NFIA: variants seen among roughly 807,000 people sequenced by gnomAD.
The protein encoded by NFIA is nuclear factor 1 A-type.
Under a neutral mutation model 62.8 loss-of-function variants are expected in NFIA, and 8 were observed. The observed-to-expected ratio is 0.13, with a 90% CI of 0.07 to 0.23. The LOEUF (loss-of-function observed/expected upper bound fraction) is 0.23, where lower values mean the gene tolerates loss of function less well. NFIA is among the 10% of genes least tolerant of loss of function. NFIA has a pLI of 1.00. For missense variants in NFIA, 410 were observed against 642.1 expected, an observed-to-expected ratio of 0.64 and a Z score of 3.91; for synonymous variants, 235 against 238.1, an observed-to-expected ratio of 0.99 and a Z score of 0.12.
intron 3 of NFIA, among the ~76,000 whole-genome samples, chr1:61,294,773 C>A (rs996377081): frequency 6.6e-6 from 1 of 152,150 alleles, no homozygotes; most frequent in Non-Finnish European, 1.5e-5. Context: ...CGCTATATCC[C>A]TGTTGTCTGG....
chr1:61,220,424 C>T (rs896456224), intron 2 of NFIA, among the ~76,000 whole-genome samples: 1 of 152,158 alleles, frequency 6.6e-6, no homozygotes, highest in Admixed American at 6.5e-5. Flanking sequence ...AACTCAATAG[C>T]AATTCAGGCC....
intron 3 of NFIA, 106 bp from the exon 4 acceptor site, chr1:61,332,405 GA>G: frequency 9.8e-7 from 1 of 1,017,272 alleles, no homozygotes; most frequent in Non-Finnish European, 1.5e-6. Flanking sequence ...CAGAGAATGA[GA>G]TTAGGCACCA....
At chr1:61,112,731 A>G (rs963522417) in intron 2 of NFIA, among the ~76,000 whole-genome samples, 7 of 152,208 alleles carry the variant, frequency 4.6e-5, no homozygotes, top group African/African-American at 1.7e-4. Context: ...TTAAAATTAG[A>G]GACATGTTTG....
chr1:61,392,130 G>A (rs1665013601), intron 7 of NFIA, among the ~76,000 whole-genome samples: 1 of 152,174 alleles, frequency 6.6e-6, no homozygotes, highest in Non-Finnish European at 1.5e-5. Context: ...CCTCGTTCAG[G>A]GTTAGTTCAA....
chr1:61,389,115 A>T (rs1664842274), intron 7 of NFIA, among the ~76,000 whole-genome samples: 1 of 152,138 alleles, frequency 6.6e-6, no homozygotes, highest in South Asian at 2.1e-4. Flanking sequence ...CAAAACAACA[A>T]CAACAAAAAA....
intron 6 of NFIA, among the ~76,000 whole-genome samples, chr1:61,363,747 T>A (rs1275237813): frequency 6.6e-6 from 1 of 152,032 alleles, no homozygotes; most frequent in African/African-American, 2.4e-5. Context: ...TAGGACACAA[T>A]ATATAAGCAA....
chr1:61,330,891 G>A (rs1005516753), intron 3 of NFIA, among the ~76,000 whole-genome samples: 8 of 152,156 alleles, frequency 5.3e-5, no homozygotes, highest in Admixed American at 5.2e-4. Flanking sequence ...TGTACATTGT[G>A]GTTAGATTTC....
intron 2 of NFIA, among the ~76,000 whole-genome samples, chr1:61,147,724 T>A (rs182519677): frequency 6.6e-6 from 1 of 152,210 alleles, no homozygotes; most frequent in Non-Finnish European, 1.5e-5. Flanking sequence ...TTGTTTTTTT[T>A]CACCTAGTAG....
chr1:61,298,258 G>A (rs1378561202), intron 3 of NFIA, among the ~76,000 whole-genome samples: 6 of 152,118 alleles, frequency 3.9e-5, no homozygotes, highest in Admixed American at 6.6e-5. Context: ...GCCTGCCACC[G>A]TGTAAGATGT....
upstream of NFIA, among the ~76,000 whole-genome samples, chr1:61,077,988 C>T (rs1646053033): frequency 6.6e-6 from 1 of 151,780 alleles, no homozygotes; most frequent in Admixed American, 6.6e-5. Context: ...CGTCTGGCCT[C>T]AGCAGTCAAC....
intron 2 of NFIA, among the ~76,000 whole-genome samples, chr1:61,095,484 C>G (rs757670449): frequency 6.6e-6 from 1 of 152,098 alleles, no homozygotes; most frequent in Non-Finnish European, 1.5e-5. Flanking sequence ...TTCTTTATAT[C>G]TTATTGTTTA....
intron 3 of NFIA, among the ~76,000 whole-genome samples, chr1:61,282,610 T>C (rs1343377093): frequency 6.6e-6 from 1 of 152,176 alleles, no homozygotes; most frequent in African/African-American, 2.4e-5. Context: ...AGGGCTGCAC[T>C]GAGTCAGTGT....
chr1:61,435,379 A>G (rs1278252412), intron 10 of NFIA, among the ~76,000 whole-genome samples: 1 of 152,190 alleles, frequency 6.6e-6, no homozygotes, highest in Non-Finnish European at 1.5e-5. Context: ...CCGTAACAAG[A>G]AATCTGTGAG....
At chr1:61,453,443 C>CTTTTT (rs11336299) in intron 10 of NFIA, among the ~76,000 whole-genome samples, 1,196 of 78,650 alleles carry the variant, frequency 0.015, no homozygotes, top group African/African-American at 0.016. Context: ...TGTGAAGAAA[C>CTTTTT]TTTTTTTTTT....
chr1:61,406,750 G>T, intron 9 of NFIA, 23 bp downstream of exon 9: 5 of 1,581,254 alleles, frequency 3.2e-6, no homozygotes, highest in Non-Finnish European at 4.3e-6. Context: ...GCGACAAGGC[G>T]CCGGTCACTT....
chr1:61,103,582 G>T (rs1011437878), intron 2 of NFIA, among the ~76,000 whole-genome samples: 2 of 152,148 alleles, frequency 1.3e-5, no homozygotes, highest in African/African-American at 4.8e-5. Context: ...CCACATAGGG[G>T]TGCATAGAAC....
chr1:61,095,297 T>C (rs761191735), intron 2 of NFIA, among the ~76,000 whole-genome samples: 2 of 152,200 alleles, frequency 1.3e-5, no homozygotes, highest in African/African-American at 2.4e-5. Context: ...TAGTCATATA[T>C]TGTAGCTTGC....
intron 2 of NFIA, among the ~76,000 whole-genome samples, chr1:61,219,945 G>C (rs1442403324): frequency 6.6e-6 from 1 of 151,874 alleles, no homozygotes; most frequent in East Asian, 1.9e-4. Flanking sequence ...CCTGGAGACA[G>C]AACGAGACTC....
intron 2 of NFIA, among the ~76,000 whole-genome samples, chr1:61,184,892 C>G (rs1370098046): frequency 6.6e-6 from 1 of 152,230 alleles, no homozygotes; most frequent in Non-Finnish European, 1.5e-5. Context: ...AAAGTTACTT[C>G]TATGAACTTT....
Sources: gnomAD v4.1 joint callset for allele counts (sites outside exome capture counted in the v4.1 genomes callset) on GRCh38, gnomAD v4.1.1 for gene constraint, MANE v1.5 for transcripts, NCBI Gene and HGNC (gene_info 2026-07-23, HGNC 2026-07-21) for gene names.